The following REDIC1 variants were observed in gnomAD, a reference collection of about 807,000 sequenced individuals.
REDIC1 encodes regulator of DNA class I crossover intermediates 1.
chr12:39,741,622 G>A, the REDIC1 span, among the ~76,000 whole-genome samples: 1 of 152,210 alleles, frequency 6.6e-6, no homozygotes, highest in African/African-American at 2.4e-5. Context: ...TGAGTACGTG[G>A]TCCCACAGTT....
the REDIC1 span, among the ~76,000 whole-genome samples, chr12:39,809,231 A>G: frequency 1.3e-5 from 2 of 152,132 alleles, no homozygotes. Context: ...CCATGCATAT[A>G]TGGATCTATT....
the REDIC1 span, among the ~76,000 whole-genome samples, chr12:39,761,713 C>T: frequency 1.2e-3 from 188 of 151,972 alleles, no homozygotes; most frequent in South Asian, 1.9e-3. Flanking sequence ...GAAATGGAAT[C>T]TTTAGCAGGG....
chr12:39,726,378 A>G, the REDIC1 span, among the ~76,000 whole-genome samples: 1 of 151,814 alleles, frequency 6.6e-6, no homozygotes, highest in Admixed American at 6.6e-5. Context: ...TGTTCTCACA[A>G]CTCAACTCCC....
At chr12:39,769,002 A>G in the REDIC1 span, among the ~76,000 whole-genome samples, 1 of 152,050 alleles carries the variant, frequency 6.6e-6, no homozygotes, top group East Asian at 1.9e-4. Flanking sequence ...GCCATTTTTC[A>G]CCATTTGAGT....
At chr12:39,884,376 A>G in the REDIC1 span, among the ~76,000 whole-genome samples, 1 of 152,210 alleles carries the variant, frequency 6.6e-6, no homozygotes, top group African/African-American at 2.4e-5. Context: ...TTCCTTCGCC[A>G]AACTTCGTAT....
the REDIC1 span, among the ~76,000 whole-genome samples, chr12:39,701,419 G>A: frequency 3.9e-5 from 6 of 152,176 alleles, no homozygotes; most frequent in African/African-American, 1.4e-4. Context: ...CAATACAGGA[G>A]CACCCAGATT....
the REDIC1 span, chr12:39,721,014 C>T: frequency 6.2e-7 from 1 of 1,613,602 alleles, no homozygotes; most frequent in Non-Finnish European, 8.5e-7. Context: ...GCAATTCAGC[C>T]CACATTTTGC....
chr12:39,877,005 T>G, the REDIC1 span, among the ~76,000 whole-genome samples: 1 of 152,180 alleles, frequency 6.6e-6, no homozygotes, highest in Non-Finnish European at 1.5e-5. Context: ...GCTATAAATA[T>G]ATATATTTTT....
chr12:39,843,910 T>C, the REDIC1 span, among the ~76,000 whole-genome samples: 1 of 152,062 alleles, frequency 6.6e-6, no homozygotes, highest in African/African-American at 2.4e-5. Flanking sequence ...TACTGGCACA[T>C]GTCTTAAGTT....
the REDIC1 span, among the ~76,000 whole-genome samples, chr12:39,714,594 T>C: frequency 2.0e-5 from 3 of 151,924 alleles, no homozygotes; most frequent in Admixed American, 2.0e-4. Flanking sequence ...GTGGGACTGC[T>C]GGACCAAATG....
At chr12:39,698,378 C>G in the REDIC1 span, among the ~76,000 whole-genome samples, 23 of 150,636 alleles carry the variant, frequency 1.5e-4, no homozygotes, top group Non-Finnish European at 4.4e-5. Context: ...GGAAGAGACA[C>G]ACTCCCAATA....
chr12:39,868,722 T>C, the REDIC1 span, among the ~76,000 whole-genome samples: 1 of 152,154 alleles, frequency 6.6e-6, no homozygotes, highest in East Asian at 1.9e-4. Context: ...CTTCCAATAT[T>C]AAAGAATCAA....
chr12:39,659,647 A>G, the REDIC1 span, among the ~76,000 whole-genome samples: 4 of 150,516 alleles, frequency 2.7e-5, no homozygotes, highest in Admixed American at 1.3e-4. Flanking sequence ...CATGTTCAGT[A>G]TTTCCTCTGT....
the REDIC1 span, among the ~76,000 whole-genome samples, chr12:39,672,941 T>C: frequency 2.0e-5 from 3 of 152,108 alleles, no homozygotes; most frequent in African/African-American, 7.2e-5. Context: ...ACTGGAGCAG[T>C]GCCACCTCAG....
At chr12:39,884,051 T>C in the REDIC1 span, among the ~76,000 whole-genome samples, 1 of 152,210 alleles carries the variant, frequency 6.6e-6, no homozygotes, top group Non-Finnish European at 1.5e-5. Context: ...GTTTGAAGTG[T>C]TAACATTTTG....
chr12:39,768,548 T>A, the REDIC1 span, among the ~76,000 whole-genome samples: 4 of 152,012 alleles, frequency 2.6e-5, no homozygotes, highest in South Asian at 8.3e-4. Flanking sequence ...TTAGAGGCCA[T>A]TGTAGAGTTA....
chr12:39,836,144 A>G, the REDIC1 span, among the ~76,000 whole-genome samples: 1 of 152,138 alleles, frequency 6.6e-6, no homozygotes, highest in Non-Finnish European at 1.5e-5. Flanking sequence ...TACAATATTT[A>G]GAGAGTTTGT....
At chr12:39,896,407 T>C in the REDIC1 span, among the ~76,000 whole-genome samples, 18 of 135,966 alleles carry the variant, frequency 1.3e-4, no homozygotes, top group Non-Finnish European at 2.4e-4. Flanking sequence ...TATGTATACA[T>C]ATATGTATGT....
the REDIC1 span, among the ~76,000 whole-genome samples, chr12:39,899,717 T>G: frequency 6.6e-6 from 1 of 152,302 alleles, no homozygotes; most frequent in Admixed American, 6.5e-5. Context: ...CATCTTTATT[T>G]CTGCCTTCAT....
Sources: allele counts gnomAD v4.1 joint callset (sites outside exome capture counted in the v4.1 genomes callset), GRCh38; gene constraint gnomAD v4.1.1; transcripts MANE v1.5; gene names NCBI Gene and HGNC (gene_info 2026-07-23, HGNC 2026-07-21).